CECR2: variants seen among roughly 807,000 people sequenced by gnomAD.
CECR2 encodes the protein chromatin remodeling regulator CECR2.
CECR2 carries 30 observed loss-of-function variants against 154.5 expected under a neutral mutation model. That is an observed-to-expected ratio of 0.19 (90% CI 0.15 to 0.26). The LOEUF (loss-of-function observed/expected upper bound fraction) is 0.26. Among genes scored for constraint, CECR2 ranks in the 10% least tolerant of loss-of-function variants. The probability of loss-of-function intolerance (pLI) is 1.00; values close to 1 mark genes in which losing one functional copy is unlikely to be tolerated. For synonymous variants in CECR2, 725 were observed against 683.7 expected, an observed-to-expected ratio of 1.06 and a Z score of -0.94; for missense variants, 1,743 against 1,829.3, an observed-to-expected ratio of 0.95 and a Z score of 0.86.
chr22:17,499,561 A>G lies in CECR2; in HGVS notation c.545+12A>G. 1 of 1,599,762 alleles carries G rather than the reference A, an allele frequency of 6.3e-7. No individual in the cohort carries two copies. Among genetic ancestry groups the G allele is most frequent in the Non-Finnish European group, 8.5e-7 (1 of 1,172,720 alleles). ...CTCTCTTTGAGCAGGTATGTTCTTCAGTGTTAGGGCATGATAGCTACTGTA... is the reference window on the plus strand; with the variant it reads ...CTCTCTTTGAGCAGGTATGTTCTTCGGTGTTAGGGCATGATAGCTACTGTA... On this transcript the variant is annotated intron_variant, in intron 4 of 18. Transcript: ENST00000262608.
chr22:17,383,504 T>C (rs2063223734), intron 1 of CECR2, among the ~76,000 whole-genome samples: 1 of 152,190 alleles, frequency 6.6e-6, no homozygotes, highest in Non-Finnish European at 1.5e-5. Flanking sequence ...TAATACATTG[T>C]GCCTCAACAA....
At chr22:17,364,871 G>T (rs1483477818), upstream of CECR2, among the ~76,000 whole-genome samples, 1 of 149,918 alleles carries the variant, frequency 6.7e-6, no homozygotes, top group Non-Finnish European at 1.5e-5. Flanking sequence ...CAAAAAATAA[G>T]AAGAAGAAGA....
intron 1 of CECR2, among the ~76,000 whole-genome samples, chr22:17,474,092 T>C (rs1179645956): frequency 2.0e-5 from 3 of 152,118 alleles, no homozygotes; most frequent in African/African-American, 7.2e-5. Flanking sequence ...GAGAAAAGGC[T>C]TTACTCTCCA....
intron 8 of CECR2, among the ~76,000 whole-genome samples, chr22:17,522,207 G>T (rs1272373679): frequency 1.3e-5 from 2 of 152,136 alleles, no homozygotes; most frequent in Non-Finnish European, 2.9e-5. Flanking sequence ...TGAGTCAACT[G>T]ATACCTTATG....
chr22:17,508,429 A>G (rs763895772), intron 7 of CECR2, among the ~76,000 whole-genome samples: 4 of 151,864 alleles, frequency 2.6e-5, no homozygotes, highest in Non-Finnish European at 5.9e-5. Flanking sequence ...CACCTTTTCT[A>G]TTTATGTATG....
At position 17,383,657 on chromosome 22, in the gene CECR2, CTTTTTTT is replaced by C. The variant is rs57665657; in HGVS notation, c.126+13764_126+13770del. ...TAATTTAGTCACATCTTCAGGTCCA[CTTTTTTT>C]TTTTTTTTTTTTTTTGAAGTGGAGT... On this transcript the variant is annotated intron_variant, in intron 1 of 18. Coordinates refer to ENST00000262608, the MANE Select transcript of CECR2 (RefSeq NM_001290047.2). 3.7e-4 allele frequency among the ~76,000 whole-genome samples: 39 copies of C among 104,310 alleles called. No individual in the cohort carries two copies. In the South Asian group the frequency reaches 7.1e-3, roughly 19 times the overall value. The allele number at this position is 104,310 out of a possible 152,430, so 68.4% of individuals were successfully genotyped here.
intron 1 of CECR2, among the ~76,000 whole-genome samples, chr22:17,412,890 A>G (rs773967043): frequency 1.5e-4 from 23 of 152,182 alleles, no homozygotes; most frequent in South Asian, 6.2e-4. Flanking sequence ...CTGTGCCTCC[A>G]CATTCTGTTC....
chr22:17,555,009 TCTC>T lies in CECR2; in HGVS notation c.*2172_*2174del, dbSNP rs1601222881. On this transcript the variant is annotated 3_prime_UTR_variant, in exon 19 of 19. Coordinates refer to ENST00000262608, the MANE Select transcript of CECR2 (RefSeq NM_001290047.2). ...TGGTTTGAATCAGAGGCCTCTCACT[TCTC>T]CTTAACAGGAGCACTGACACTGTGG... 1 of 152,186 alleles carries T rather than the reference TCTC, an allele frequency of 6.6e-6. No individual in the cohort carries two copies. The highest frequency in any genetic ancestry group is 6.5e-5 in the Admixed American group (1 of 15,276). 9.4% of individuals were successfully genotyped at this position (152,186 alleles called of 1,614,324 possible).
upstream of CECR2, among the ~76,000 whole-genome samples, chr22:17,366,947 CAG>C (rs1454782971): frequency 2.0e-5 from 3 of 151,944 alleles, no homozygotes; most frequent in South Asian, 6.3e-4. Flanking sequence ...TAGAGACAAA[CAG>C]AGTTAGAGAA....
intron 1 of CECR2, among the ~76,000 whole-genome samples, chr22:17,371,318 A>C (rs539628395): frequency 6.6e-6 from 1 of 152,342 alleles, no homozygotes; most frequent in South Asian, 2.1e-4. Context: ...TAGTTCCTTA[A>C]GCTGATTAAA....
At chr22:17,550,351 T>A (rs963952245) in intron 17 of CECR2, 1 of 160,542 alleles carries the variant, frequency 6.2e-6, no homozygotes, top group African/African-American at 2.4e-5. Context: ...AACCACAGTT[T>A]GAGAGCTGTA....
rs2063028528 is a variant in CECR2, at chr22:17,369,494, AGG to A, written c.-287_-286del. 1.3e-5 allele frequency: 2 copies of A among 148,662 alleles called. No individual in the cohort carries two copies. Among genetic ancestry groups the A allele is most frequent in the African/African-American group, 2.5e-5 (1 of 40,726 alleles). 9.2% of individuals were successfully genotyped at this position (148,662 alleles called of 1,614,324 possible). On this transcript the variant is annotated 5_prime_UTR_variant, in exon 1 of 19. Coordinates refer to ENST00000262608, the MANE Select transcript of CECR2 (RefSeq NM_001290047.2). ...TCCGGCGGGGACTCGATTATATTGT[AGG>A]GGACTGGGGGCGGCCGCCGCCGCAG...
chr22:17,399,606 C>A (rs545227128), intron 1 of CECR2, among the ~76,000 whole-genome samples: 2 of 151,890 alleles, frequency 1.3e-5, no homozygotes, highest in African/African-American at 4.8e-5. Context: ...TTAGTAGAGA[C>A]GGGGTTTCAC....
chr22:17,412,942 G>A (rs973186726), intron 1 of CECR2, among the ~76,000 whole-genome samples: 2 of 152,098 alleles, frequency 1.3e-5, no homozygotes, highest in African/African-American at 4.8e-5. Flanking sequence ...GGCTGCAGTC[G>A]GACTTCTGAT....
intron 9 of CECR2, among the ~76,000 whole-genome samples, chr22:17,530,955 G>A (rs958426661): frequency 6.6e-6 from 1 of 152,166 alleles, no homozygotes; most frequent in Non-Finnish European, 1.5e-5. Context: ...AGACTGGAGT[G>A]ATGAAAAGAT....
chr22:17,378,352 A>C (rs2146460771), intron 1 of CECR2, among the ~76,000 whole-genome samples: 1 of 149,062 alleles, frequency 6.7e-6, no homozygotes, highest in East Asian at 2.0e-4. Context: ...GCTGGAGTGC[A>C]GTGGCACGAT....
chr22:17,480,762 G>A (rs987388651), intron 2 of CECR2, among the ~76,000 whole-genome samples: 5 of 152,098 alleles, frequency 3.3e-5, no homozygotes, highest in Admixed American at 6.6e-5. Context: ...AATTTCGGCC[G>A]GGCGCAGTGG....
At chr22:17,529,537 A>G (rs1000782218) in intron 9 of CECR2, among the ~76,000 whole-genome samples, 1 of 152,090 alleles carries the variant, frequency 6.6e-6, no homozygotes, top group East Asian at 1.9e-4. Flanking sequence ...CGTCTCTACT[A>G]AAAATACAAA....
intron 1 of CECR2, among the ~76,000 whole-genome samples, chr22:17,402,754 C>CTTTTTTTTTTTTTTTT (rs386394918): frequency 3.2e-5 from 4 of 123,102 alleles, no homozygotes; most frequent in Non-Finnish European, 6.8e-5. Context: ...TTCTTTTCTT[C>CTTTTTTTTTTTTTTTT]TTTTTTTTTT....
Sources: allele counts gnomAD v4.1 joint callset (sites outside exome capture counted in the v4.1 genomes callset), GRCh38; gene constraint gnomAD v4.1.1; transcripts MANE v1.5; gene names NCBI Gene and HGNC (gene_info 2026-07-23, HGNC 2026-07-21).